EXOC4: variants seen among roughly 807,000 people sequenced by gnomAD.
EXOC4 encodes the protein SEC8-like 1.
A neutral mutation model predicts 107.2 loss-of-function variants in EXOC4; 71 were observed. That is an observed-to-expected ratio of 0.66 (90% confidence interval 0.55 to 0.81). EXOC4 has a LOEUF of 0.81. EXOC4 is among the 30% of genes least tolerant of loss of function. The probability of loss-of-function intolerance (pLI) is 0.00; values close to 1 mark genes in which losing one functional copy is unlikely to be tolerated. For synonymous variants in EXOC4, 456 were observed against 441.2 expected (o/e 1.03, Z -0.42); for missense variants, 1,108 against 1,189.6 (o/e 0.93, Z 1.01).
chr7:133,545,469 G>A (rs923780627), intron 9 of EXOC4, among the ~76,000 whole-genome samples: 4 of 151,940 alleles, frequency 2.6e-5, no homozygotes, highest in Non-Finnish European at 2.9e-5. Context: ...ATAAATACTA[G>A]GTTCTTTCCC....
At chr7:133,985,823 A>G (rs1794101138) in intron 14 of EXOC4, among the ~76,000 whole-genome samples, 1 of 152,212 alleles carries the variant, frequency 6.6e-6, no homozygotes, top group Non-Finnish European at 1.5e-5. Flanking sequence ...AGAACAGCAC[A>G]TATAATTAAG....
At chr7:133,645,543 T>C (rs1030265879) in intron 10 of EXOC4, among the ~76,000 whole-genome samples, 1 of 152,144 alleles carries the variant, frequency 6.6e-6, no homozygotes, top group Non-Finnish European at 1.5e-5. Context: ...TTTGCATAAC[T>C]AGAACTTGAA....
At chr7:133,418,139 A>G (rs1245848756) in intron 7 of EXOC4, among the ~76,000 whole-genome samples, 1 of 152,214 alleles carries the variant, frequency 6.6e-6, no homozygotes, top group Admixed American at 6.5e-5. Context: ...AGAGACAACT[A>G]TATGTATTGA....
At chr7:133,829,184 A>G (rs917307094) in intron 11 of EXOC4, among the ~76,000 whole-genome samples, 1 of 152,204 alleles carries the variant, frequency 6.6e-6, no homozygotes, top group African/African-American at 2.4e-5. Context: ...GAGAGTCTAA[A>G]TGAGTGAAGG....
In EXOC4 at chr7:134,050,753, T is replaced by G. The variant is rs57324575; in HGVS notation, c.2688-13538T>G. On this transcript the variant is annotated intron_variant, in intron 17 of 17. Coordinates refer to ENST00000253861, the MANE Select transcript of EXOC4 (RefSeq NM_021807.4). ...GAAAATGTGGAATACAGGTCAAGTC[T>G]TTAAAAGGCCTTGGATGTCAATGTT... Among the ~76,000 whole-genome samples the G allele has an allele frequency of 2.7e-3, 406 of 152,320 alleles. 17 individuals carry two copies. In the East Asian group the frequency reaches 0.07, roughly 26 times the overall value.
intron 14 of EXOC4, among the ~76,000 whole-genome samples, chr7:133,972,748 TG>T (rs1801271309): frequency 6.6e-6 from 1 of 152,202 alleles, no homozygotes; most frequent in African/African-American, 2.4e-5. Flanking sequence ...GTGGGTTTTT[TG>T]AGTTATAGAG....
At chr7:133,430,768 A>G (rs1390810274) in intron 7 of EXOC4, among the ~76,000 whole-genome samples, 1 of 152,182 alleles carries the variant, frequency 6.6e-6, no homozygotes, top group Non-Finnish European at 1.5e-5. Context: ...CTGATTTACT[A>G]AGAAAAAATA....
chr7:133,720,177 G>A (rs1409779824), intron 10 of EXOC4, among the ~76,000 whole-genome samples: 1 of 152,164 alleles, frequency 6.6e-6, no homozygotes, highest in Non-Finnish European at 1.5e-5. Flanking sequence ...GGTTCTGGGA[G>A]AGTATATCAC....
chr7:133,638,706 AG>A (rs1563135927), intron 10 of EXOC4, among the ~76,000 whole-genome samples: 3 of 151,870 alleles, frequency 2.0e-5, no homozygotes, highest in Non-Finnish European at 4.4e-5. Context: ...TAACTCTTCC[AG>A]TGACTGTTAA....
chr7:133,830,758 C>T (rs901831083), intron 11 of EXOC4, among the ~76,000 whole-genome samples: 1 of 152,084 alleles, frequency 6.6e-6, no homozygotes, highest in Non-Finnish European at 1.5e-5. Context: ...AATTAATGAG[C>T]CAATATTGAC....
chr7:133,806,306 A>G (rs749701344), intron 10 of EXOC4, among the ~76,000 whole-genome samples: 1 of 152,212 alleles, frequency 6.6e-6, no homozygotes, highest in Non-Finnish European at 1.5e-5. Context: ...TGACACAAAA[A>G]TAGAGAACAC....
intron 7 of EXOC4, among the ~76,000 whole-genome samples, chr7:133,465,682 T>C (rs12533899): frequency 1 from 152,314 of 152,314 alleles, 76,157 homozygotes; most frequent in Non-Finnish European, 1. Context: ...TGAAATCACA[T>C]AAAGTATATC....
chr7:133,586,921 C>T (rs1366404939), intron 9 of EXOC4, among the ~76,000 whole-genome samples: 1 of 152,080 alleles, frequency 6.6e-6, no homozygotes, highest in Non-Finnish European at 1.5e-5. Flanking sequence ...ACCTCTGCCT[C>T]CCGGGTTCAA....
intron 7 of EXOC4, among the ~76,000 whole-genome samples, chr7:133,419,437 A>T (rs1797552288): frequency 6.6e-6 from 1 of 152,182 alleles, no homozygotes; most frequent in Non-Finnish European, 1.5e-5. Context: ...TTGAGAACTA[A>T]CAGTAAAGGA....
At chr7:133,629,778 A>G (rs1241194992) in intron 9 of EXOC4, among the ~76,000 whole-genome samples, 1 of 151,838 alleles carries the variant, frequency 6.6e-6, no homozygotes, top group Non-Finnish European at 1.5e-5. Context: ...GCTGGCCTCA[A>G]GTGATCCACC....
chr7:134,032,652 A>T (rs1176749086), intron 17 of EXOC4, among the ~76,000 whole-genome samples: 2 of 152,190 alleles, frequency 1.3e-5, no homozygotes, highest in Admixed American at 1.3e-4. Context: ...CTCAGACTGG[A>T]CCTGGGGACT....
At chr7:134,037,667 C>T (rs113820698) in intron 17 of EXOC4, among the ~76,000 whole-genome samples, 4,754 of 152,208 alleles carry the variant, frequency 0.031, 253 homozygotes, top group African/African-American at 0.11. Flanking sequence ...GGGGATTATC[C>T]GCATCCCTCC....
chr7:133,446,509 G>T (rs966038223), intron 7 of EXOC4, among the ~76,000 whole-genome samples: 1 of 152,146 alleles, frequency 6.6e-6, no homozygotes, highest in Non-Finnish European at 1.5e-5. Flanking sequence ...AACTTGGCAA[G>T]ATTACTCTGA....
intron 11 of EXOC4, among the ~76,000 whole-genome samples, chr7:133,856,457 A>T (rs1368913772): frequency 6.6e-6 from 1 of 152,212 alleles, no homozygotes; most frequent in African/African-American, 2.4e-5. Context: ...TTGCCTGTTT[A>T]CTTCTCTCAC....
Sources: gnomAD v4.1 joint callset for allele counts (sites outside exome capture counted in the v4.1 genomes callset) on GRCh38, gnomAD v4.1.1 for gene constraint, MANE v1.5 for transcripts, NCBI Gene and HGNC (gene_info 2026-07-23, HGNC 2026-07-21) for gene names.